Variants in STPG2 observed in about 807,000 individuals in gnomAD.
STPG2 encodes the protein sperm tail PG-rich repeat containing 2.
In STPG2, 56 loss-of-function variants were observed where a neutral mutation model predicts 54.2. That is an observed-to-expected ratio of 1.03 (90% confidence interval 0.83 to 1.29). The LOEUF (loss-of-function observed/expected upper bound fraction) is 1.29, where lower values mean the gene tolerates loss of function less well. Among genes scored for constraint, STPG2 ranks in the 50% most tolerant of loss-of-function variants. The probability of loss-of-function intolerance (pLI) is 0.00; values close to 1 mark genes in which losing one functional copy is unlikely to be tolerated. For synonymous variants in STPG2, 200 were observed against 181.8 expected (o/e 1.10, Z -0.81); for missense variants, 596 against 544.9 (o/e 1.09, Z -0.93).
At chr4:98,085,586 T>C (rs13102652) in intron 5 of STPG2, among the ~76,000 whole-genome samples, 1 of 151,800 alleles carries the variant, frequency 6.6e-6, no homozygotes, top group African/African-American at 2.4e-5. Flanking sequence ...TTTATACTTT[T>C]TGTGCAGAGG....
intron 8 of STPG2, among the ~76,000 whole-genome samples, chr4:97,891,613 C>T (rs1266362297): frequency 6.6e-6 from 1 of 151,870 alleles, no homozygotes; most frequent in Non-Finnish European, 1.5e-5. Context: ...GTATTTCTTT[C>T]AGTCCTATCT....
At chr4:97,826,261 C>T (rs943545328) in intron 9 of STPG2, among the ~76,000 whole-genome samples, 9 of 152,164 alleles carry the variant, frequency 5.9e-5, no homozygotes, top group African/African-American at 1.7e-4. Flanking sequence ...GTAGAATGTA[C>T]TTTTGGTAAA....
intron 9 of STPG2, among the ~76,000 whole-genome samples, chr4:97,749,994 T>C (rs370722599): frequency 2.0e-4 from 30 of 151,954 alleles, no homozygotes; most frequent in Admixed American, 5.3e-4. Context: ...AAAACTACTT[T>C]ATATGTTATT....
chr4:97,761,813 A>G (rs1309082686), intron 9 of STPG2, among the ~76,000 whole-genome samples: 3 of 152,174 alleles, frequency 2.0e-5, no homozygotes, highest in Non-Finnish European at 4.4e-5. Flanking sequence ...TGAGGCTTTT[A>G]TCTTCCTGGA....
intron 9 of STPG2, among the ~76,000 whole-genome samples, chr4:97,753,638 C>A (rs1265345674): frequency 6.6e-6 from 1 of 151,932 alleles, no homozygotes; most frequent in Non-Finnish European, 1.5e-5. Context: ...ATATTCCCAC[C>A]AGTAATGCAC....
At chr4:97,760,800 G>A (rs10014284) in intron 9 of STPG2, among the ~76,000 whole-genome samples, 2 of 151,960 alleles carry the variant, frequency 1.3e-5, no homozygotes, top group African/African-American at 4.8e-5. Context: ...TTACAGCTTT[G>A]GAGGTCAGAA....
At chr4:98,058,337 A>G (rs910589505) in intron 5 of STPG2, among the ~76,000 whole-genome samples, 2 of 152,226 alleles carry the variant, frequency 1.3e-5, no homozygotes, top group Non-Finnish European at 2.9e-5. Flanking sequence ...AGTGACACAC[A>G]TAGGCTCAAA....
intron 10 of STPG2, among the ~76,000 whole-genome samples, chr4:97,687,343 A>G (rs1230309004): frequency 6.7e-6 from 1 of 149,208 alleles, no homozygotes; most frequent in Non-Finnish European, 1.5e-5. Flanking sequence ...CTTTTTTTTG[A>G]GACAGAGTCT....
At chr4:97,927,346 C>T (rs979294894) in intron 8 of STPG2, among the ~76,000 whole-genome samples, 9 of 151,878 alleles carry the variant, frequency 5.9e-5, no homozygotes, top group African/African-American at 9.7e-5. Flanking sequence ...TGTTATGAGT[C>T]GTCACTAGCC....
chr4:98,081,673 T>C (rs1050151630), intron 5 of STPG2, among the ~76,000 whole-genome samples: 1 of 152,322 alleles, frequency 6.6e-6, no homozygotes, highest in East Asian at 1.9e-4. Flanking sequence ...TCATGGGTCA[T>C]GGCTCCCCAT....
intron 7 of STPG2, among the ~76,000 whole-genome samples, chr4:97,946,273 T>C (rs1221572721): frequency 6.6e-6 from 1 of 152,202 alleles, no homozygotes. Flanking sequence ...TTGTTTGAGT[T>C]CCTTGTAGAT....
chr4:97,523,855 T>A (rs554390116), intron 4 of STPG2, among the ~76,000 whole-genome samples: 2 of 150,722 alleles, frequency 1.3e-5, no homozygotes, highest in Non-Finnish European at 3.0e-5. Flanking sequence ...CAAATAAATA[T>A]CTATTATTAC....
chr4:97,796,808 T>G (rs1475442000), intron 9 of STPG2, among the ~76,000 whole-genome samples: 2 of 150,182 alleles, frequency 1.3e-5, no homozygotes, highest in East Asian at 3.9e-4. Context: ...GTCATTTTCA[T>G]GATTCTTCCT....
intron 8 of STPG2, among the ~76,000 whole-genome samples, chr4:97,920,739 A>C (rs1560590393): frequency 1.3e-5 from 2 of 152,214 alleles, no homozygotes; most frequent in Non-Finnish European, 2.9e-5. Context: ...CGTGAGAAGT[A>C]AGAAATATCA....
At chr4:97,947,020 G>A (rs1377351281) in intron 7 of STPG2, among the ~76,000 whole-genome samples, 5 of 152,056 alleles carry the variant, frequency 3.3e-5, no homozygotes, top group East Asian at 3.9e-4. Flanking sequence ...CTTGCAATCC[G>A]TGAGAATGGG....
At chr4:97,558,354 G>A (rs985713705), downstream of STPG2, among the ~76,000 whole-genome samples, 2 of 152,160 alleles carry the variant, frequency 1.3e-5, no homozygotes, top group African/African-American at 4.8e-5. Flanking sequence ...CCTCCCATCT[G>A]TATTTACAAC....
intron 8 of STPG2, among the ~76,000 whole-genome samples, chr4:97,943,276 G>A (rs1195438534): frequency 6.6e-6 from 1 of 152,124 alleles, no homozygotes; most frequent in African/African-American, 2.4e-5. Context: ...TGAATTTTAA[G>A]AGGATACAAA....
chr4:97,555,703 T>C (rs1217490438), downstream of STPG2, among the ~76,000 whole-genome samples: 2 of 152,174 alleles, frequency 1.3e-5, no homozygotes, highest in Admixed American at 6.5e-5. Context: ...GTTCACTATA[T>C]GCTAAGCACT....
intron 5 of STPG2, among the ~76,000 whole-genome samples, chr4:98,030,358 T>G (rs547991045): frequency 2.6e-5 from 4 of 152,292 alleles, no homozygotes; most frequent in Non-Finnish European, 5.9e-5. Flanking sequence ...AAGTCTCTGA[T>G]GGTGGCAATA....
Sources: allele counts gnomAD v4.1 joint callset (sites outside exome capture counted in the v4.1 genomes callset), GRCh38; gene constraint gnomAD v4.1.1; transcripts MANE v1.5; gene names NCBI Gene and HGNC (gene_info 2026-07-23, HGNC 2026-07-21).